PAG1: variants seen among roughly 807,000 people sequenced by gnomAD.
PAG1 encodes the protein phosphoprotein membrane anchor with glycosphingolipid microdomains 1.
PAG1 carries 23 observed loss-of-function variants against 31.7 expected under a neutral mutation model. The observed-to-expected ratio is 0.73, with a 90% CI of 0.52 to 1.03. The LOEUF is 1.03. Among genes scored for constraint, PAG1 ranks in the 50% least tolerant of loss-of-function variants. The pLI is 0.00. For missense variants in PAG1, 473 were observed against 540.7 expected, an observed-to-expected ratio of 0.87 and a Z score of 1.24; for synonymous variants, 214 against 210.3, an observed-to-expected ratio of 1.02 and a Z score of -0.15.
intron 2 of PAG1, among the ~76,000 whole-genome samples, chr8:81,047,452 C>CG (rs1443637054): frequency 6.6e-6 from 1 of 152,120 alleles, no homozygotes; most frequent in Non-Finnish European, 1.5e-5. Context: ...TGATTTTGAG[C>CG]TTTTTTTCAT....
chr8:81,064,960 A>G (rs1005348811), intron 2 of PAG1, among the ~76,000 whole-genome samples: 2 of 152,302 alleles, frequency 1.3e-5, no homozygotes, highest in African/African-American at 4.8e-5. Flanking sequence ...GAGGCTCCCA[A>G]TGTAGCTATC....
At chr8:81,074,729 A>G (rs184459497) in intron 1 of PAG1, among the ~76,000 whole-genome samples, 1 of 152,284 alleles carries the variant, frequency 6.6e-6, no homozygotes, top group Admixed American at 6.5e-5. Context: ...GGGGAAAAAC[A>G]GCCTTAAACC....
At chr8:81,093,751 G>A (rs1007333636) in intron 1 of PAG1, among the ~76,000 whole-genome samples, 1 of 151,610 alleles carries the variant, frequency 6.6e-6, no homozygotes, top group Non-Finnish European at 1.5e-5. Flanking sequence ...TCAGCCACAC[G>A]CAGTAGCAAC....
chr8:80,993,370 G>A (rs1807600648), intron 3 of PAG1, 63 bp from the exon 4 acceptor site: 4 of 832,510 alleles, frequency 4.8e-6, no homozygotes, highest in Admixed American at 5.6e-5. Context: ...TCTGTAATTC[G>A]GTCCCTGTCA....
Position 80,971,534 on chromosome 8 carries a change from C to A in PAG1, c.*5010G>T, listed in dbSNP as rs576254633. 1.3e-5 allele frequency: 2 copies of A among 152,254 alleles called. No homozygotes were observed. Among genetic ancestry groups the A allele is most frequent in the African/African-American group, 2.4e-5 (1 of 41,540 alleles). 9.4% of individuals were successfully genotyped at this position (152,254 alleles called of 1,614,324 possible). On this transcript the variant is annotated 3_prime_UTR_variant, in exon 9 of 9. Coordinates refer to ENST00000220597, the MANE Select transcript of PAG1 (RefSeq NM_018440.4). ...ACATCTGAGAAATGACAATTATCAA[C>A]CTTTGTAATACATGATTACGCAAGG... is the stretch of plus-strand genomic sequence containing the variant.
intron 3 of PAG1, among the ~76,000 whole-genome samples, chr8:80,998,362 T>A (rs1807723601): frequency 6.6e-6 from 1 of 151,938 alleles, no homozygotes; most frequent in Admixed American, 6.6e-5. Context: ...CCTCTTGACT[T>A]GGTGATCCAC....
At chr8:81,099,921 T>C (rs1388136131) in intron 1 of PAG1, among the ~76,000 whole-genome samples, 1 of 152,230 alleles carries the variant, frequency 6.6e-6, no homozygotes, top group Non-Finnish European at 1.5e-5. Context: ...ATTCCTGAAG[T>C]AACACTTTTT....
At chr8:81,052,337 T>G (rs1808747507) in intron 2 of PAG1, among the ~76,000 whole-genome samples, 1 of 152,096 alleles carries the variant, frequency 6.6e-6, no homozygotes, top group Admixed American at 6.5e-5. Flanking sequence ...GCACCTGCAC[T>G]CCCAGCAGAA....
At chr8:81,027,124 C>T (rs1482971678) in intron 3 of PAG1, among the ~76,000 whole-genome samples, 1 of 152,090 alleles carries the variant, frequency 6.6e-6, no homozygotes, top group Non-Finnish European at 1.5e-5. Flanking sequence ...GATCCTCCCA[C>T]TTCAGCCTCC....
intron 8 of PAG1, among the ~76,000 whole-genome samples, chr8:80,978,694 G>C (rs1807234622): frequency 6.6e-6 from 1 of 152,150 alleles, no homozygotes; most frequent in Admixed American, 6.5e-5. Flanking sequence ...TATTGACTCT[G>C]GGAATGAACC....
chr8:81,031,685 C>T (rs1808380285), intron 2 of PAG1, among the ~76,000 whole-genome samples: 1 of 152,208 alleles, frequency 6.6e-6, no homozygotes, highest in South Asian at 2.1e-4. Flanking sequence ...CTTTCTCTAT[C>T]ACCAGATATG....
chr8:81,104,806 T>A (rs1185942158), intron 1 of PAG1, among the ~76,000 whole-genome samples: 5 of 152,158 alleles, frequency 3.3e-5, no homozygotes, highest in Non-Finnish European at 1.5e-5. Flanking sequence ...CAGCTTACTT[T>A]GTCTGTCCCT....
chr8:80,996,152 C>T (rs530094882), intron 3 of PAG1, among the ~76,000 whole-genome samples: 1 of 152,262 alleles, frequency 6.6e-6, no homozygotes, highest in Non-Finnish European at 1.5e-5. Context: ...TCCTCTTGGA[C>T]CCTCTAAGTG....
At chr8:81,096,366 G>A (rs919281021) in intron 1 of PAG1, among the ~76,000 whole-genome samples, 2 of 152,050 alleles carry the variant, frequency 1.3e-5, no homozygotes, top group Admixed American at 6.6e-5. Context: ...TATAAAAAAG[G>A]CTACCCAAAT....
chr8:80,977,007 GTGTACTC>G (rs1464780268), intron 8 of PAG1, 101 bp from the exon 9 acceptor site: 4 of 1,024,610 alleles, frequency 3.9e-6, no homozygotes, highest in Non-Finnish European at 2.9e-6. Flanking sequence ...GTTTCTGTGT[GTGTACTC>G]CTTAAAGATT....
Position 80,985,027 on chromosome 8 carries a change from C to A in PAG1, c.625G>T (p.Ala209Ser). 1 of 1,614,144 alleles carries A rather than the reference C, an allele frequency of 6.2e-7. No homozygotes were observed. Among genetic ancestry groups the A allele is most frequent in the Non-Finnish European group, 8.5e-7 (1 of 1,180,038 alleles). Residue 209 changes from alanine (A) to serine (S), a missense_variant, in exon 7 of 9, where the codon GCC becomes TCC. Coordinates refer to ENST00000220597, the MANE Select transcript of PAG1 (RefSeq NM_018440.4). ...TGGGGCCCTGGGAGCTCTTTCGAGG[C>A]AGAAGTAGATTTTGCCTTGCCACTG... ...GHSGKAKSTS[A>S]SKELPGPQTE...
intron 3 of PAG1, among the ~76,000 whole-genome samples, chr8:81,002,212 C>CT (rs577927226): frequency 0.011 from 1,624 of 145,350 alleles, 16 homozygotes; most frequent in African/African-American, 0.034. Context: ...ATTCAGCCAC[C>CT]TTTTTTTTTT....
chr8:80,986,735 C>T (rs144893294), intron 6 of PAG1, among the ~76,000 whole-genome samples: 2,024 of 148,162 alleles, frequency 0.014, 48 homozygotes, highest in African/African-American at 0.048. Flanking sequence ...TAGATGACTC[C>T]CGGATGAGAG....
chr8:80,999,211 G>T (rs562446861), intron 3 of PAG1, among the ~76,000 whole-genome samples: 3 of 152,360 alleles, frequency 2.0e-5, no homozygotes, highest in Admixed American at 2.0e-4. Flanking sequence ...CTGCACGGAT[G>T]AGTGTCTGTT....
Sources: allele counts gnomAD v4.1 joint callset (sites outside exome capture counted in the v4.1 genomes callset), GRCh38; gene constraint gnomAD v4.1.1; transcripts MANE v1.5; gene names NCBI Gene and HGNC (gene_info 2026-07-23, HGNC 2026-07-21).